RPH3A: variants seen among roughly 807,000 people sequenced by gnomAD.
RPH3A encodes rabphilin 3A.
A neutral mutation model predicts 102.2 loss-of-function variants in RPH3A; 48 were observed. The observed-to-expected ratio is 0.47, with a 90% CI of 0.37 to 0.60. The LOEUF (loss-of-function observed/expected upper bound fraction) is 0.60. Among genes scored for constraint, RPH3A ranks in the 20% least tolerant of loss-of-function variants. RPH3A has a pLI of 0.00. For synonymous variants in RPH3A, 310 were observed against 324.3 expected (o/e 0.96, Z 0.47); for missense variants, 781 against 910.1 (o/e 0.86, Z 1.83).
chr12:112,746,062 C>A (rs1278689451), intron 1 of RPH3A, among the ~76,000 whole-genome samples: 1 of 152,150 alleles, frequency 6.6e-6, no homozygotes, highest in Non-Finnish European at 1.5e-5. Flanking sequence ...CCCCTTGCAA[C>A]CTGTTCTTCC....
intron 1 of RPH3A, among the ~76,000 whole-genome samples, chr12:112,592,467 C>T (rs529232606): frequency 5.3e-5 from 8 of 152,164 alleles, no homozygotes; most frequent in East Asian, 3.9e-4. Context: ...TACGGGCACA[C>T]GCCACCATGC....
chr12:112,881,684 C>A, intron 14 of RPH3A, 88 bp from the exon 15 acceptor site: 1 of 876,126 alleles, frequency 1.1e-6, no homozygotes, highest in Non-Finnish European at 1.8e-6. Flanking sequence ...ACAGGCAGGA[C>A]AGATGCCAGG....
chr12:112,685,226 T>G (rs2040255041), intron 1 of RPH3A, among the ~76,000 whole-genome samples: 1 of 152,208 alleles, frequency 6.6e-6, no homozygotes, highest in Non-Finnish European at 1.5e-5. Context: ...CATAAGCCAT[T>G]GCACCTGGCT....
At chr12:112,622,259 T>C (rs2039736498) in intron 1 of RPH3A, among the ~76,000 whole-genome samples, 1 of 78,542 alleles carries the variant, frequency 1.3e-5, no homozygotes, top group Non-Finnish European at 2.1e-5. Context: ...CAAATGACTC[T>C]GAGCTACGGG....
At chr12:112,622,736 A>C (rs1344100001) in intron 1 of RPH3A, among the ~76,000 whole-genome samples, 3 of 148,144 alleles carry the variant, frequency 2.0e-5, no homozygotes, top group African/African-American at 7.4e-5. Flanking sequence ...CGAGAAGAGC[A>C]ACTCCAAGAC....
At chr12:112,670,155 T>C (rs543915338) in intron 1 of RPH3A, among the ~76,000 whole-genome samples, 10 of 152,316 alleles carry the variant, frequency 6.6e-5, no homozygotes, top group Non-Finnish European at 1.2e-4. Flanking sequence ...CATCCACTTA[T>C]AGGAAGCCAA....
chr12:112,773,443 T>A (rs917059379), intron 1 of RPH3A, among the ~76,000 whole-genome samples: 10 of 152,120 alleles, frequency 6.6e-5, no homozygotes, highest in Admixed American at 5.2e-4. Flanking sequence ...TGAATTTATT[T>A]GTTTTTTTTT....
intron 1 of RPH3A, among the ~76,000 whole-genome samples, chr12:112,618,423 G>A (rs2039697328): frequency 6.6e-6 from 1 of 152,166 alleles, no homozygotes. Context: ...GGACCCTCCA[G>A]TAAAGATGAC....
chr12:112,650,463 TATC>T (rs1377284614), intron 1 of RPH3A, among the ~76,000 whole-genome samples: 4 of 152,196 alleles, frequency 2.6e-5, no homozygotes, highest in Non-Finnish European at 4.4e-5. Flanking sequence ...AAGGCTTCCT[TATC>T]AGATTGGGTA....
intron 14 of RPH3A, among the ~76,000 whole-genome samples, chr12:112,881,121 G>T (rs551659896): frequency 6.6e-6 from 1 of 152,330 alleles, no homozygotes; most frequent in East Asian, 1.9e-4. Context: ...GAGCCCAGAG[G>T]TGGGACATCT....
chr12:112,846,833 T>C lies in RPH3A; in HGVS notation c.84-863T>C, dbSNP rs1005833010. On this transcript the variant is annotated intron_variant, in intron 4 of 21. Transcript: ENST00000389385. ...CTCTGTTCCCAGCAGCCTCTGATTC[T>C]CTGAACCATTGCCGGGGCCACAGAT... is the stretch of plus-strand genomic sequence containing the variant. 3.9e-5 allele frequency among the ~76,000 whole-genome samples: 6 copies of C among 152,322 alleles called. No homozygotes were observed. The South Asian group carries it at 6.2e-4, about 16-fold the overall frequency.
chr12:112,588,377 A>T (rs969359540), intron 1 of RPH3A, among the ~76,000 whole-genome samples: 2 of 148,754 alleles, frequency 1.3e-5, no homozygotes, highest in African/African-American at 5.0e-5. Flanking sequence ...GAGCAAAGGC[A>T]TGTCTTACAT....
chr12:112,740,625 A>G (rs1487581407), intron 1 of RPH3A, among the ~76,000 whole-genome samples: 1 of 152,224 alleles, frequency 6.6e-6, no homozygotes, highest in Non-Finnish European at 1.5e-5. Context: ...ACAGAAGCTC[A>G]TCTTACAAAT....
intron 1 of RPH3A, among the ~76,000 whole-genome samples, chr12:112,756,597 T>A (rs947417427): frequency 8.5e-5 from 13 of 152,158 alleles, no homozygotes; most frequent in African/African-American, 2.9e-4. Flanking sequence ...AAATTAAACA[T>A]AATAAAAGCA....
chr12:112,640,565 C>T (rs1407640516), intron 1 of RPH3A, among the ~76,000 whole-genome samples: 1 of 151,888 alleles, frequency 6.6e-6, no homozygotes, highest in Non-Finnish European at 1.5e-5. Context: ...ATTCGATGTC[C>T]AGTAAATATT....
chr12:112,599,102 C>T (rs2039538957), intron 1 of RPH3A, among the ~76,000 whole-genome samples: 1 of 152,170 alleles, frequency 6.6e-6, no homozygotes, highest in African/African-American at 2.4e-5. Context: ...ACACTGCCTG[C>T]TGCATAGGCT....
intron 1 of RPH3A, among the ~76,000 whole-genome samples, chr12:112,780,509 G>T (rs550960142): frequency 2.6e-5 from 4 of 152,118 alleles, no homozygotes; most frequent in Non-Finnish European, 5.9e-5. Context: ...GGGATAAGCC[G>T]ATAAACGTAA....
At chr12:112,874,197 C>T (rs1286909526) in intron 10 of RPH3A, 1 of 152,246 alleles carries the variant, frequency 6.6e-6, no homozygotes, top group Non-Finnish European at 1.5e-5. Flanking sequence ...AACATCACAC[C>T]TTCTGGGTAC....
chr12:112,847,754 G>A lies in RPH3A; in HGVS notation c.142G>A (p.Glu48Lys). ...TCAGCCTGACAGGCAGAGGAAGCAG[G>A]AAGAGCTGACTGATGAGGAGAAAGA... ...GGQPDRQRKQ[E>K]ELTDEEKEII... The change falls in exon 5 of 22, where the codon GAA becomes AAA. Residue 48 changes from glutamate to lysine, a missense_variant. Glu to Lys is a moderately conservative substitution (Grantham distance 56). Around this residue, in one of 2 missense-constraint regions of RPH3A, gnomAD observed 730 missense variants for 810.0 expected, o/e 0.90. Transcript: ENST00000389385. 1 of 1,614,246 alleles carries A rather than the reference G, an allele frequency of 6.2e-7. No homozygotes were observed. The highest frequency in any genetic ancestry group is 1.7e-5 in the Admixed American group (1 of 60,028).
Sources: gnomAD v4.1 joint callset for allele counts (sites outside exome capture counted in the v4.1 genomes callset) on GRCh38, gnomAD v4.1.1 for gene constraint, gnomAD v4.1.1 regional missense constraint, MANE v1.5 for transcripts, NCBI Gene and HGNC (gene_info 2026-07-23, HGNC 2026-07-21) for gene names.